The following NXN variants were observed in gnomAD, a reference collection of about 807,000 sequenced individuals.
NXN encodes the protein nucleoredoxin 1.
NXN carries 16 observed loss-of-function variants against 48.6 expected under a neutral mutation model. That is an observed-to-expected ratio of 0.33 (90% CI 0.22 to 0.50). The LOEUF (loss-of-function observed/expected upper bound fraction) is 0.50. Among genes scored for constraint, NXN ranks in the 20% least tolerant of loss-of-function variants. The pLI, the probability that NXN is intolerant of heterozygous loss-of-function variation, is 0.98. For missense variants in NXN, 492 were observed against 605.5 expected, an observed-to-expected ratio of 0.81 and a Z score of 1.97; for synonymous variants, 281 against 269.6, an observed-to-expected ratio of 1.04 and a Z score of -0.41.
chr17:819,457 G>A lies in NXN; in HGVS notation c.802C>T (p.Arg268Trp), dbSNP rs200792211. The part of the protein sequence containing the change: ...TDEARRSRLN[R>W]LYGIQGIPTL... Reference sequence around the variant, plus strand: ...CGCCTACCTTGGATTCCGTACAGCCGGTTGAGGCGCGACCGCCGGGCCTCA... The same window carrying A: ...CGCCTACCTTGGATTCCGTACAGCCAGTTGAGGCGCGACCGCCGGGCCTCA... The change falls in exon 5 of 8, where the codon CGG becomes TGG. Residue 268 changes from arginine (R) to tryptophan (W), a missense_variant. Around this residue, in one of 3 missense-constraint regions of NXN, gnomAD observed 303 missense variants for 388.3 expected, o/e 0.78. Coordinates refer to ENST00000336868, the MANE Select transcript of NXN (RefSeq NM_022463.5). 165 of 1,614,054 alleles carry A rather than the reference G, an allele frequency of 1.0e-4. 1 individual carries two copies. The highest frequency in any genetic ancestry group is 4.6e-4 in the South Asian group (42 of 91,062).
chr17:972,968 T>C (rs1319174476), intron 1 of NXN, among the ~76,000 whole-genome samples: 8 of 151,390 alleles, frequency 5.3e-5, no homozygotes, highest in East Asian at 3.9e-4. Flanking sequence ...GAGGCGGAGA[T>C]TGCGGTGAGC....
chr17:952,955 A>G (rs542838565), intron 1 of NXN, among the ~76,000 whole-genome samples: 1 of 152,278 alleles, frequency 6.6e-6, no homozygotes, highest in East Asian at 1.9e-4. Flanking sequence ...ACGCAATGAG[A>G]TAATACATGA....
chr17:832,635 T>A (rs971177280), intron 1 of NXN, among the ~76,000 whole-genome samples: 1 of 152,162 alleles, frequency 6.6e-6, no homozygotes, highest in East Asian at 1.9e-4. Context: ...GTAGAAGAGT[T>A]GTAACACCTC....
chr17:932,018 C>T lies in NXN; in HGVS notation c.360+47301G>A, dbSNP rs1449521931. On this transcript the variant is annotated intron_variant, in intron 1 of 7. Transcript: ENST00000336868. The surrounding 1 kb of genome is among the most constrained non-coding windows in gnomAD (Gnocchi z 4.1). The stretch of plus-strand genomic sequence containing the variant: ...AATTAGCCAGGTGTGGTGGTGGGTG[C>T]CTATAATCCCAGCTAATGGGGAGGC... Among the ~76,000 whole-genome samples, 1 of 148,456 alleles carries T rather than the reference C, an allele frequency of 6.7e-6. No individual in the cohort carries two copies. The highest frequency in any genetic ancestry group is 1.5e-5 in the Non-Finnish European group (1 of 67,950).
At chr17:913,189 G>A (rs2068653801) in intron 1 of NXN, among the ~76,000 whole-genome samples, 1 of 152,126 alleles carries the variant, frequency 6.6e-6, no homozygotes, top group African/African-American at 2.4e-5. Flanking sequence ...ATTAGGAGAA[G>A]TAAAATTGAA....
At position 871,350 on chromosome 17, in the gene NXN, G is replaced by T. The variant is rs558057248; in HGVS notation, c.361-45272C>A. On this transcript the variant is annotated intron_variant, in intron 1 of 7. Coordinates refer to ENST00000336868, the MANE Select transcript of NXN (RefSeq NM_022463.5). ...TTGATTCCTAATATCACTTAGTGAA[G>T]TTAGTAAATGGTCTGTTTTCCAGTG... Among the ~76,000 whole-genome samples the T allele has an allele frequency of 1.5e-3, 222 of 148,848 alleles. 1 individual carries two copies. Among genetic ancestry groups the T allele is most frequent in the African/African-American group, 4.9e-3 (201 of 40,668 alleles).
intron 1 of NXN, among the ~76,000 whole-genome samples, chr17:963,204 T>A (rs1245965097): frequency 8.1e-6 from 1 of 122,884 alleles, no homozygotes; most frequent in Non-Finnish European, 1.5e-5. Context: ...AAGGTATAGG[T>A]ACTGGGACGG....
chr17:957,543 A>G (rs2150624947), intron 1 of NXN, among the ~76,000 whole-genome samples: 1 of 151,992 alleles, frequency 6.6e-6, no homozygotes, highest in Middle Eastern at 3.4e-3. Context: ...GAGGCAGGAG[A>G]ACTGCTTGAA....
rs187460308 is a variant in NXN, at chr17:803,521, G to T, written c.1125+161C>A. On this transcript the variant is annotated intron_variant, in intron 7 of 7. Coordinates refer to ENST00000336868, the MANE Select transcript of NXN (RefSeq NM_022463.5). ...AGGGGAGGGAATGGTTTTCCATGGC[G>T]AATGGCTACCTTTCCTTGCCACATT... Among the ~76,000 whole-genome samples, 164 of 152,294 alleles carry T rather than the reference G, an allele frequency of 1.1e-3. 1 individual carries two copies. The highest frequency in any genetic ancestry group is 8.1e-3 in the East Asian group (42 of 5,160).
rs1555520565 is a variant in NXN at position 958,956 on chromosome 17, T to TACACACATAC, written c.360+20362_360+20363insGTATGTGTGT. 23 of 165,326 alleles carry TACACACATAC rather than the reference T, an allele frequency of 1.4e-4. No individual in the cohort carries two copies. Among genetic ancestry groups the TACACACATAC allele is most frequent in the Admixed American group, 2.0e-4 (3 of 15,374 alleles). The allele number at this position is 165,326 out of a possible 1,614,324, so 10.2% of individuals were successfully genotyped here. ...TAAAAAAGAAACACACACACACACATACACACACACACACACGATACGAGT... is the reference window on the plus strand; with the variant it reads ...TAAAAAAGAAACACACACACACACATACACACATACACACACACACACACACGATACGAGT... On this transcript the variant is annotated intron_variant, in intron 1 of 7. Transcript: ENST00000336868. This position sits in a 1 kb window ranked among gnomAD's most constrained non-coding sequence, Gnocchi z 6.9.
Position 907,806 on chromosome 17 carries a change from A to T in NXN, c.360+71513T>A, listed in dbSNP as rs186916808. On this transcript the variant is annotated intron_variant, in intron 1 of 7. Coordinates refer to ENST00000336868, the MANE Select transcript of NXN (RefSeq NM_022463.5). ...ACTTTCATAAATGGCCACAAAATAT[A>T]ATGGATGGCAGAAAACAAGGGAGGT... 22 of 152,258 alleles carry T rather than the reference A, an allele frequency of 1.4e-4. 1 individual carries two copies. In the East Asian group the frequency reaches 4.0e-3, roughly 28 times the overall value. 9.4% of individuals were successfully genotyped at this position (152,258 alleles called of 1,614,324 possible).
At chr17:807,487 C>T (rs1337279370) in intron 5 of NXN, among the ~76,000 whole-genome samples, 1 of 152,208 alleles carries the variant, frequency 6.6e-6, no homozygotes, top group Non-Finnish European at 1.5e-5. Flanking sequence ...TCTCCGAGGG[C>T]CTCCTCCAAG....
rs76297238 is a variant in NXN, at chr17:956,737, C to A, written c.360+22582G>T. On this transcript the variant is annotated intron_variant, in intron 1 of 7. Transcript: ENST00000336868. The surrounding 1 kb of genome is among the most constrained non-coding windows in gnomAD (Gnocchi z 4.1). ...GCCAAGAGCTTTTTATATCAGTCAT[C>A]GTCTTAAACCTCCACCGCAACCTGA... 6.6e-6 allele frequency among the ~76,000 whole-genome samples: 1 copy of A among 152,062 alleles called. No individual in the cohort carries two copies. The highest frequency in any genetic ancestry group is 6.6e-5 in the Admixed American group (1 of 15,258).
chr17:846,300 C>T (rs749609129), intron 1 of NXN, among the ~76,000 whole-genome samples: 2 of 151,204 alleles, frequency 1.3e-5, no homozygotes, highest in Non-Finnish European at 2.9e-5. Context: ...CGCCTGTAAT[C>T]CCAGCTGCTC....
chr17:871,141 G>A (rs896248126), intron 1 of NXN, among the ~76,000 whole-genome samples: 1 of 151,956 alleles, frequency 6.6e-6, no homozygotes, highest in Non-Finnish European at 1.5e-5. Flanking sequence ...GATTACAGGC[G>A]TGAGCCACCG....
rs574023469 is a variant in NXN, at chr17:919,294, C to T, written c.360+60025G>A. On this transcript the variant is annotated intron_variant, in intron 1 of 7. Coordinates refer to ENST00000336868, the MANE Select transcript of NXN (RefSeq NM_022463.5). The surrounding 1 kb of genome is among the most constrained non-coding windows in gnomAD (Gnocchi z 5.1). ...AGGAGAATAGCTTGAACTAGGGAGG[C>T]AGAGGTTGCAGTGAGCCGAGATTGT... is the stretch of plus-strand genomic sequence containing the variant. Among the ~76,000 whole-genome samples the T allele has an allele frequency of 1.3e-5, 2 of 151,994 alleles. No homozygotes were observed. Among genetic ancestry groups the T allele is most frequent in the South Asian group, 4.2e-4 (2 of 4,786 alleles).
intron 1 of NXN, among the ~76,000 whole-genome samples, chr17:901,216 C>T (rs953709449): frequency 4.1e-5 from 6 of 147,736 alleles, no homozygotes; most frequent in African/African-American, 5.0e-5. Flanking sequence ...CCACGGCGTC[C>T]GGCCAGATAG....
chr17:946,233 ATCCCTGCTCACTGCAAGCTCCG>A (rs2069042579), intron 1 of NXN, among the ~76,000 whole-genome samples: 1 of 59,788 alleles, frequency 1.7e-5, no homozygotes, highest in Admixed American at 1.6e-4. Context: ...CCTCCCGGGG[ATCCCTGCTCACTGCAAGCTCCG>A]CCTCCCGGGT....
At chr17:813,706 C>T (rs371885505) in intron 5 of NXN, among the ~76,000 whole-genome samples, 97 of 151,232 alleles carry the variant, frequency 6.4e-4, no homozygotes, top group Non-Finnish European at 1.0e-3. Context: ...CGGTGGCTCA[C>T]GCCTGTAATC....
Sources: allele counts gnomAD v4.1 joint callset (sites outside exome capture counted in the v4.1 genomes callset), GRCh38; gene constraint gnomAD v4.1.1; regional missense constraint gnomAD v4.1.1; non-coding constraint Gnocchi (gnomAD v3.1); transcripts MANE v1.5; gene names NCBI Gene and HGNC (gene_info 2026-07-23, HGNC 2026-07-21).